ROBO2: variants seen among roughly 807,000 people sequenced by gnomAD.
ROBO2 encodes roundabout homolog 2.
Under a neutral mutation model 160.8 loss-of-function variants are expected in ROBO2, and 53 were observed. The ratio of observed to expected loss-of-function variants is 0.33; its 90% CI spans 0.26 to 0.41. ROBO2 has a LOEUF of 0.41. ROBO2 is among the 10% of genes least tolerant of loss of function. The pLI is 1.00. For missense variants in ROBO2, 1,577 were observed against 1,722.4 expected (o/e 0.92, Z 1.49); for synonymous variants, 664 against 611.7 (o/e 1.09, Z -1.26).
chr3:76,262,457 A>G (rs1706830313), intron 2 of ROBO2, among the ~76,000 whole-genome samples: 1 of 152,140 alleles, frequency 6.6e-6, no homozygotes, highest in Non-Finnish European at 1.5e-5. Flanking sequence ...AAAAGTACAT[A>G]AAATGGAAAA....
At chr3:76,888,637 T>C (rs2074102533) in intron 2 of ROBO2, among the ~76,000 whole-genome samples, 1 of 152,196 alleles carries the variant, frequency 6.6e-6, no homozygotes, top group South Asian at 2.1e-4. Context: ...GTTATCTAGG[T>C]TGTGTTTACA....
intron 2 of ROBO2, among the ~76,000 whole-genome samples, chr3:76,501,416 A>G (rs1329419584): frequency 3.3e-5 from 5 of 152,228 alleles, no homozygotes; most frequent in Non-Finnish European, 5.9e-5. Flanking sequence ...AATCCGAGTC[A>G]GAAATGATGG....
chr3:75,916,670 G>A (rs191389162), intron 1 of ROBO2, among the ~76,000 whole-genome samples: 416 of 151,970 alleles, frequency 2.7e-3, no homozygotes, highest in African/African-American at 9.7e-3. Context: ...TTCTTAAAGC[G>A]ACTGTTCCAA....
intron 2 of ROBO2, among the ~76,000 whole-genome samples, chr3:77,340,281 A>G (rs576797644): frequency 6.6e-6 from 1 of 152,252 alleles, no homozygotes; most frequent in East Asian, 1.9e-4. Flanking sequence ...CAATAGAATT[A>G]GTAGTAATAT....
At chr3:75,950,909 A>G (rs912005220) in intron 2 of ROBO2, among the ~76,000 whole-genome samples, 3 of 152,200 alleles carry the variant, frequency 2.0e-5, no homozygotes, top group Admixed American at 6.6e-5. Flanking sequence ...GTCAACTGCA[A>G]CCCTAAACTG....
At chr3:76,412,806 A>T (rs2075562677) in intron 2 of ROBO2, among the ~76,000 whole-genome samples, 1 of 152,124 alleles carries the variant, frequency 6.6e-6, no homozygotes, top group African/African-American at 2.4e-5. Context: ...TCAGAGTGCA[A>T]GCTGTCAGTG....
At chr3:76,816,037 G>A (rs998075940) in intron 2 of ROBO2, among the ~76,000 whole-genome samples, 5 of 152,048 alleles carry the variant, frequency 3.3e-5, no homozygotes, top group African/African-American at 9.7e-5. Flanking sequence ...TGTTGAAGAC[G>A]GTTTTTTCTT....
At chr3:77,409,167 G>A (rs2076503681) in intron 2 of ROBO2, among the ~76,000 whole-genome samples, 1 of 150,306 alleles carries the variant, frequency 6.7e-6, no homozygotes, top group Non-Finnish European at 1.5e-5. Context: ...GAGTAAACCA[G>A]TAAAGATTGC....
intron 2 of ROBO2, among the ~76,000 whole-genome samples, chr3:76,693,511 CT>C (rs1333485804): frequency 2.7e-5 from 4 of 150,796 alleles, no homozygotes; most frequent in Non-Finnish European, 5.9e-5. Flanking sequence ...AGATGAAATT[CT>C]TTGTGGAAAT....
chr3:76,672,452 A>AT (rs1406574026), intron 2 of ROBO2, among the ~76,000 whole-genome samples: 2 of 152,192 alleles, frequency 1.3e-5, no homozygotes, highest in Non-Finnish European at 2.9e-5. Context: ...GGGAAAACAG[A>AT]TTTTGAGGGA....
chr3:77,465,466 A>T (rs1246865059), intron 2 of ROBO2, among the ~76,000 whole-genome samples: 1 of 152,174 alleles, frequency 6.6e-6, no homozygotes, highest in Non-Finnish European at 1.5e-5. Flanking sequence ...TAGGAGAAAC[A>T]GGGTAGCCCA....
intron 2 of ROBO2, among the ~76,000 whole-genome samples, chr3:76,116,532 A>G (rs544031689): frequency 1.3e-5 from 2 of 152,274 alleles, no homozygotes; most frequent in African/African-American, 4.8e-5. Flanking sequence ...AGATGCTTTC[A>G]GTTGCTAAGT....
intron 9 of ROBO2, among the ~76,000 whole-genome samples, chr3:77,560,437 G>A (rs1364067996): frequency 3.9e-5 from 6 of 152,062 alleles, no homozygotes; most frequent in African/African-American, 9.7e-5. Flanking sequence ...TTTTAGCAAC[G>A]ATATTTAGGT....
intron 2 of ROBO2, among the ~76,000 whole-genome samples, chr3:76,410,880 A>C (rs1426621122): frequency 6.6e-6 from 1 of 152,164 alleles, no homozygotes; most frequent in Non-Finnish European, 1.5e-5. Flanking sequence ...TCATATTTAA[A>C]ATTGAATTAG....
At chr3:76,412,942 G>A (rs2075571329) in intron 2 of ROBO2, among the ~76,000 whole-genome samples, 1 of 152,224 alleles carries the variant, frequency 6.6e-6, no homozygotes, top group South Asian at 2.1e-4. Flanking sequence ...CCCTAGCAGA[G>A]GTTCTCCATG....
intron 2 of ROBO2, among the ~76,000 whole-genome samples, chr3:76,194,156 AT>A (rs1216197583): frequency 2.0e-5 from 3 of 151,628 alleles, no homozygotes; most frequent in Non-Finnish European, 4.4e-5. Context: ...TTTAATATTA[AT>A]TTCATTATGG....
At chr3:76,463,185 G>A (rs989037456) in intron 2 of ROBO2, among the ~76,000 whole-genome samples, 1 of 152,014 alleles carries the variant, frequency 6.6e-6, no homozygotes, top group Non-Finnish European at 1.5e-5. Context: ...GTAGTATGGG[G>A]TGACCTACGA....
chr3:77,342,375 G>GT (rs755369793), intron 2 of ROBO2, among the ~76,000 whole-genome samples: 16 of 152,128 alleles, frequency 1.1e-4, no homozygotes, highest in Non-Finnish European at 2.2e-4. Context: ...AAAGTGCAGT[G>GT]TGGGGTCACC....
At chr3:77,245,274 G>C (rs1053409673) in intron 2 of ROBO2, among the ~76,000 whole-genome samples, 1 of 152,072 alleles carries the variant, frequency 6.6e-6, no homozygotes, top group African/African-American at 2.4e-5. Context: ...CCTTTTCATG[G>C]GGGGTGGCTC....
Sources: gnomAD v4.1 joint callset for allele counts (sites outside exome capture counted in the v4.1 genomes callset) on GRCh38, gnomAD v4.1.1 for gene constraint, MANE v1.5 for transcripts, NCBI Gene and HGNC (gene_info 2026-07-23, HGNC 2026-07-21) for gene names.